RIMS2: variants seen among roughly 807,000 people sequenced by gnomAD.
RIMS2 encodes regulating synaptic membrane exocytosis protein 2.
RIMS2 carries 59 observed loss-of-function variants against 174.4 expected under a neutral mutation model. The ratio of observed to expected loss-of-function variants is 0.34; its 90% CI spans 0.27 to 0.42. The LOEUF (loss-of-function observed/expected upper bound fraction) is 0.42. Among genes scored for constraint, RIMS2 ranks in the 10% least tolerant of loss-of-function variants. The pLI, the probability that RIMS2 is intolerant of heterozygous loss-of-function variation, is 1.00. For missense variants in RIMS2, 1,620 were observed against 1,666.3 expected, an observed-to-expected ratio of 0.97 and a Z score of 0.48; for synonymous variants, 606 against 572.5, an observed-to-expected ratio of 1.06 and a Z score of -0.84.
chr8:103,770,176 G>T (rs899512509), intron 3 of RIMS2, among the ~76,000 whole-genome samples: 5 of 152,158 alleles, frequency 3.3e-5, no homozygotes, highest in African/African-American at 1.2e-4. Context: ...TGTAAACAAA[G>T]TTCTTTTGGA....
intron 3 of RIMS2, among the ~76,000 whole-genome samples, chr8:103,842,183 C>G (rs1176882692): frequency 2.0e-5 from 3 of 152,038 alleles, no homozygotes; most frequent in Non-Finnish European, 4.4e-5. Flanking sequence ...TTTCTATTGA[C>G]TCTCCTTATA....
chr8:103,819,778 ATTTG>A, intron 3 of RIMS2: 2 of 576,642 alleles, frequency 3.5e-6, no homozygotes, highest in Non-Finnish European at 5.7e-6. Context: ...AGCATTCTTA[ATTTG>A]ATTTTAAGAA....
At chr8:104,090,579 G>A (rs1598598606) in intron 19 of RIMS2, among the ~76,000 whole-genome samples, 1 of 151,722 alleles carries the variant, frequency 6.6e-6, no homozygotes, top group Non-Finnish European at 1.5e-5. Context: ...AAGGTTCTAA[G>A]ACAAATATTA....
At position 103,610,082 on chromosome 8, in the gene RIMS2, A is replaced by AT. The variant is rs751084799; in HGVS notation, c.177-87000dup. Among the ~76,000 whole-genome samples, 5 of 151,730 alleles carry AT rather than the reference A, an allele frequency of 3.3e-5. No homozygotes were observed. The South Asian group carries it at 1.0e-3, about 32-fold the overall frequency. On this transcript the variant is annotated intron_variant, in intron 1 of 23. Coordinates refer to ENST00000504942, the Ensembl canonical transcript of RIMS2. ...AGCTGTATTCCTAGGCATTTTCTTC[A>AT]TTTTGTGGCAGTTGCGAATGGAACT... is the stretch of plus-strand genomic sequence containing the variant.
chr8:103,595,413 T>C (rs559830509), intron 1 of RIMS2, among the ~76,000 whole-genome samples: 3 of 152,030 alleles, frequency 2.0e-5, no homozygotes, highest in African/African-American at 7.2e-5. Context: ...CCTCAAGTTT[T>C]TCATTCAGAT....
At chr8:103,508,457 TA>T (rs3042459) in intron 1 of RIMS2, among the ~76,000 whole-genome samples, 101,219 of 141,076 alleles carry the variant, frequency 0.72, 37,209 homozygotes, top group Non-Finnish European at 0.82. Flanking sequence ...TTTCATTTGT[TA>T]AAAAAAAAAA....
At chr8:103,708,848 T>G (rs2097265915) in intron 2 of RIMS2, among the ~76,000 whole-genome samples, 1 of 152,210 alleles carries the variant, frequency 6.6e-6, no homozygotes, top group East Asian at 1.9e-4. Flanking sequence ...TTGGCCATTA[T>G]TTTTCAAATA....
chr8:104,225,778 A>T (rs72685058), intron 19 of RIMS2, among the ~76,000 whole-genome samples: 13,451 of 152,198 alleles, frequency 0.088, 728 homozygotes, highest in African/African-American at 0.14. Flanking sequence ...TTATATGGGA[A>T]ACGGCGTTTT....
At chr8:104,093,444 T>G in intron 19 of RIMS2, 27 bp from the exon 24 acceptor site, 4 of 1,512,060 alleles carry the variant, frequency 2.6e-6, no homozygotes, top group Non-Finnish European at 2.7e-6. Context: ...TGACAACTTC[T>G]GCGTATTTGT....
At chr8:104,013,201 T>G (rs911647171) in intron 17 of RIMS2, among the ~76,000 whole-genome samples, 9 of 152,210 alleles carry the variant, frequency 5.9e-5, no homozygotes, top group African/African-American at 2.2e-4. Context: ...GTTTGTTGTT[T>G]ATTATAACTG....
intron 2 of RIMS2, among the ~76,000 whole-genome samples, chr8:103,758,339 A>G (rs1437627089): frequency 1.3e-5 from 2 of 152,198 alleles, no homozygotes; most frequent in African/African-American, 2.4e-5. Flanking sequence ...AAATTAATAT[A>G]TTAGTGATAT....
intron 19 of RIMS2, among the ~76,000 whole-genome samples, chr8:104,237,783 T>C (rs561839714): frequency 6.6e-6 from 1 of 152,306 alleles, no homozygotes; most frequent in African/African-American, 2.4e-5. Context: ...GACGAAATTG[T>C]TGGCTATTTG....
intron 1 of RIMS2, among the ~76,000 whole-genome samples, chr8:103,553,560 A>C (rs1849040284): frequency 6.6e-6 from 1 of 152,184 alleles, no homozygotes; most frequent in South Asian, 2.1e-4. Context: ...ACAAAGCTGC[A>C]TGTTGTGCTC....
At chr8:104,148,458 G>A (rs945749096) in intron 19 of RIMS2, 149 bp from the exon 25 acceptor site, 10 of 712,050 alleles carry the variant, frequency 1.4e-5, no homozygotes, top group Non-Finnish European at 2.0e-5. Flanking sequence ...GCACAATCAA[G>A]ACCATGGTAT....
intron 5 of RIMS2, among the ~76,000 whole-genome samples, chr8:103,911,617 C>T (rs1416969423): frequency 6.6e-6 from 1 of 152,128 alleles, no homozygotes; most frequent in Non-Finnish European, 1.5e-5. Flanking sequence ...GTAATACAGG[C>T]TTTCAAAATC....
chr8:104,047,504 C>T (rs2096714840), intron 19 of RIMS2, among the ~76,000 whole-genome samples: 1 of 152,106 alleles, frequency 6.6e-6, no homozygotes, highest in Non-Finnish European at 1.5e-5. Flanking sequence ...TCAGATTCCT[C>T]ATCTGTAAAA....
chr8:103,789,975 C>A (rs73291897), intron 3 of RIMS2, among the ~76,000 whole-genome samples: 1 of 151,884 alleles, frequency 6.6e-6, no homozygotes. Context: ...CTGTTTAGGC[C>A]GATCTCAAAC....
intron 14 of RIMS2, among the ~76,000 whole-genome samples, chr8:103,957,877 G>T (rs960533014): frequency 7.9e-5 from 12 of 152,118 alleles, no homozygotes; most frequent in African/African-American, 2.7e-4. Context: ...AGACAAAATG[G>T]CTATCATTAA....
chr8:103,692,005 C>G (rs1386299583), intron 1 of RIMS2, among the ~76,000 whole-genome samples: 3 of 152,126 alleles, frequency 2.0e-5, no homozygotes, highest in Non-Finnish European at 4.4e-5. Context: ...GATTGCTAGG[C>G]AGAGACTCTT....
Sources: gnomAD v4.1 joint callset for allele counts (sites outside exome capture counted in the v4.1 genomes callset) on GRCh38, gnomAD v4.1.1 for gene constraint, MANE v1.5 for transcripts, NCBI Gene and HGNC (gene_info 2026-07-23, HGNC 2026-07-21) for gene names.